STAT5B: variants seen among roughly 807,000 people sequenced by gnomAD.
STAT5B encodes signal transducer and activator of transcription 5B.
A neutral mutation model predicts 107.8 loss-of-function variants in STAT5B; 21 were observed. The ratio of observed to expected loss-of-function variants is 0.19; its 90% CI spans 0.14 to 0.28. STAT5B has a LOEUF of 0.28. STAT5B is among the 10% of genes least tolerant of loss of function. The pLI, the probability that STAT5B is intolerant of heterozygous loss-of-function variation, is 1.00. For missense variants in STAT5B, 565 were observed against 1,008.2 expected (o/e 0.56, Z 5.95); for synonymous variants, 325 against 401.7 (o/e 0.81, Z 2.28).
chr17:42,258,658 A>G (rs2080568231), intron 1 of STAT5B, among the ~76,000 whole-genome samples: 1 of 152,224 alleles, frequency 6.6e-6, no homozygotes, highest in Non-Finnish European at 1.5e-5. Flanking sequence ...CAGCCTGGGA[A>G]ACAGAGCGAG....
chr17:42,247,900 C>G (rs2144348847), intron 1 of STAT5B, among the ~76,000 whole-genome samples: 1 of 151,030 alleles, frequency 6.6e-6, no homozygotes, highest in East Asian at 1.9e-4. Flanking sequence ...CTGCAGTGAA[C>G]TATGATTGCG....
chr17:42,238,947 A>T (rs561162106), intron 1 of STAT5B, among the ~76,000 whole-genome samples: 2 of 149,884 alleles, frequency 1.3e-5, no homozygotes, highest in South Asian at 2.1e-4. Flanking sequence ...TAAACTCTTA[A>T]AAAAAAAAGA....
At chr17:42,251,559 A>G (rs957683143) in intron 1 of STAT5B, among the ~76,000 whole-genome samples, 2 of 152,296 alleles carry the variant, frequency 1.3e-5, no homozygotes. Context: ...CAGGATAACA[A>G]AGGATACTGA....
chr17:42,277,790 C>G (rs954733169), upstream of STAT5B, among the ~76,000 whole-genome samples: 3 of 147,174 alleles, frequency 2.0e-5, no homozygotes, highest in Non-Finnish European at 4.5e-5. Flanking sequence ...GAGTCTCTCT[C>G]TGTTGCCCAG....
intron 1 of STAT5B, among the ~76,000 whole-genome samples, chr17:42,266,951 G>C (rs1380051976): frequency 2.0e-5 from 3 of 152,106 alleles, no homozygotes; most frequent in Admixed American, 6.5e-5. Context: ...ACTACACTCA[G>C]AGTTTCCATA....
intron 16 of STAT5B, among the ~76,000 whole-genome samples, chr17:42,203,406 T>C (rs1353381673): frequency 3.3e-5 from 5 of 150,390 alleles, no homozygotes; most frequent in Admixed American, 6.6e-5. Context: ...ACTAATTGCA[T>C]ACTAATTAAA....
intron 9 of STAT5B, 39 bp from the exon 10 acceptor site, chr17:42,217,503 G>A (rs1380129744): frequency 1.9e-6 from 3 of 1,609,944 alleles, no homozygotes; most frequent in Non-Finnish European, 2.6e-6. Flanking sequence ...ACCCATGCCA[G>A]GGTCTCAGGA....
the STAT5B span, among the ~76,000 whole-genome samples, chr17:42,287,336 C>CCCCT: frequency 6.6e-6 from 1 of 150,746 alleles, no homozygotes; most frequent in Non-Finnish European, 1.5e-5. Flanking sequence ...ATGCACCCCC[C>CCCCT]CCAACAGAAC....
chr17:42,210,680 G>C lies in STAT5B; in HGVS notation c.1681-183C>G. The C allele has an allele frequency of 1.4e-5, 9 of 645,062 alleles. 1 individual carries two copies. In the South Asian group the frequency reaches 1.5e-4, roughly 11 times the overall value. The allele number at this position is 645,062 out of a possible 1,614,324, so 40.0% of individuals were successfully genotyped here. On this transcript the variant is annotated intron_variant, in intron 13 of 18. Coordinates refer to ENST00000293328, the MANE Select transcript of STAT5B (RefSeq NM_012448.4). Reference sequence around the variant, plus strand: ...TGGAGAGGAAAAGAGGGAAGAAGGGGAAAATACCAAACTGCAGTTACCAGC... The same window carrying C: ...TGGAGAGGAAAAGAGGGAAGAAGGGCAAAATACCAAACTGCAGTTACCAGC...
chr17:42,278,657 G>A (rs1042085004), upstream of STAT5B, among the ~76,000 whole-genome samples: 4 of 152,080 alleles, frequency 2.6e-5, no homozygotes, highest in Admixed American at 6.6e-5. Context: ...GACCACAGAC[G>A]TGCACCACTA....
intron 1 of STAT5B, among the ~76,000 whole-genome samples, chr17:42,250,111 G>A (rs895950346): frequency 3.3e-5 from 5 of 151,992 alleles, no homozygotes; most frequent in Non-Finnish European, 7.4e-5. Flanking sequence ...CAACCAGATC[G>A]GTTCCCGGCT....
intron 16 of STAT5B, among the ~76,000 whole-genome samples, chr17:42,207,163 G>A (rs866777962): frequency 7.2e-5 from 11 of 151,994 alleles, no homozygotes; most frequent in African/African-American, 1.9e-4. Context: ...ATGACCCACC[G>A]TACCCAGCCT....
intron 11 of STAT5B, among the ~76,000 whole-genome samples, chr17:42,216,841 C>T (rs952562572): frequency 1.3e-5 from 2 of 151,846 alleles, no homozygotes; most frequent in South Asian, 4.1e-4. Flanking sequence ...CCACGCCTGG[C>T]TAATTTTTGT....
chr17:42,212,108 A>G lies in STAT5B; in HGVS notation c.1556T>C (p.Val519Ala), dbSNP rs2080134347. The change falls in exon 13 of 19, where the codon GTG (valine) becomes GCG (alanine). Residue 519 changes from valine (V) to alanine (A), a missense_variant. Physicochemically the swap from Val to Ala is moderately conservative, Grantham distance 64. This residue lies in a region of STAT5B where 127 missense variants were observed against 215.8 expected (regional missense o/e 0.59). Transcript: ENST00000293328. ...CTTGGTCAGGCCCCGGTTGCTCTGC[A>G]CTTCGGCCTTGAATTTCATGTTGAG... ...EALNMKFKAE[V>A]QSNRGLTKEN... 1 of 1,614,012 alleles carries G rather than the reference A, an allele frequency of 6.2e-7. No individual in the cohort carries two copies.
intron 3 of STAT5B, 64 bp downstream of exon 3, chr17:42,227,465 G>A (rs2080283220): frequency 6.2e-7 from 1 of 1,607,218 alleles, no homozygotes; most frequent in Non-Finnish European, 8.5e-7. Context: ...GAGAAAGAAA[G>A]TCTCTACAGG....
intron 1 of STAT5B, among the ~76,000 whole-genome samples, chr17:42,240,885 G>A (rs2080396205): frequency 1.3e-5 from 2 of 152,178 alleles, no homozygotes; most frequent in African/African-American, 4.8e-5. Flanking sequence ...CTAATACTGA[G>A]GGGCTCTGAT....
At chr17:42,268,669 T>C (rs1269248168) in intron 1 of STAT5B, 7 of 152,128 alleles carry the variant, frequency 4.6e-5, no homozygotes, top group Admixed American at 4.6e-4. Flanking sequence ...AGTCCCACCT[T>C]CCTGGCATCA....
At position 42,202,824 on chromosome 17, in the gene STAT5B, T is replaced by G. The variant is rs2080056312; in HGVS notation, c.2078-16A>C. 6.2e-7 allele frequency: 1 copy of G among 1,614,228 alleles called. No homozygotes were observed. Among genetic ancestry groups the G allele is most frequent in the Non-Finnish European group, 8.5e-7 (1 of 1,180,048 alleles). The stretch of plus-strand genomic sequence containing the variant: ...ACAGCTTTAGCTGCCAAGGGAAGAA[T>G]GTAGTAAATCAAAGTTCTCAAGTGA... On this transcript the variant is annotated splice_polypyrimidine_tract_variant and intron_variant, in intron 16 of 18. Transcript: ENST00000293328.
chr17:42,241,567 T>A (rs2080403211), intron 1 of STAT5B, among the ~76,000 whole-genome samples: 1 of 151,826 alleles, frequency 6.6e-6, no homozygotes, highest in South Asian at 2.1e-4. Flanking sequence ...CTTAGCCTCC[T>A]GAGTAGCTGG....
Sources: allele counts gnomAD v4.1 joint callset (sites outside exome capture counted in the v4.1 genomes callset), GRCh38; gene constraint gnomAD v4.1.1; regional missense constraint gnomAD v4.1.1; transcripts MANE v1.5; gene names NCBI Gene and HGNC (gene_info 2026-07-23, HGNC 2026-07-21).